ATE1: variants seen among roughly 807,000 people sequenced by gnomAD.
ATE1 encodes the protein arginyltransferase 1, also known as arginyl-tRNA--protein transferase 1.
Under a neutral mutation model 70.5 loss-of-function variants are expected in ATE1, and 36 were observed. The ratio of observed to expected loss-of-function variants is 0.51; its 90% CI spans 0.39 to 0.67. The LOEUF is 0.67. ATE1 is among the 30% of genes least tolerant of loss of function. The pLI is 0.00. For missense variants in ATE1, 593 were observed against 629.5 expected (o/e 0.94, Z 0.62); for synonymous variants, 232 against 219.3 (o/e 1.06, Z -0.51).
At chr10:121,787,112 A>C (rs942743356) in intron 11 of ATE1, among the ~76,000 whole-genome samples, 5 of 152,180 alleles carry the variant, frequency 3.3e-5, no homozygotes, top group Non-Finnish European at 7.3e-5. Context: ...ATAGGGGGAA[A>C]ACGTGATTTT....
chr10:121,852,144 G>A (rs1269555513), intron 8 of ATE1, among the ~76,000 whole-genome samples: 3 of 152,318 alleles, frequency 2.0e-5, no homozygotes, highest in Middle Eastern at 3.4e-3. Flanking sequence ...GATTTACTAC[G>A]AAGTTCAAAG....
chr10:121,767,690 G>C (rs1353259840), intron 11 of ATE1, among the ~76,000 whole-genome samples: 2 of 152,156 alleles, frequency 1.3e-5, no homozygotes, highest in Non-Finnish European at 2.9e-5. Flanking sequence ...TAATCATTTA[G>C]GGAAATGTAC....
At chr10:121,860,612 A>G (rs1339417160) in intron 8 of ATE1, among the ~76,000 whole-genome samples, 5 of 152,270 alleles carry the variant, frequency 3.3e-5, no homozygotes, top group African/African-American at 4.8e-5. Context: ...GAAGTACAGT[A>G]AATGTTTTTA....
At chr10:121,767,504 CA>C (rs11318056) in intron 11 of ATE1, among the ~76,000 whole-genome samples, 152,245 of 152,246 alleles carry the variant, frequency 1, 76,122 homozygotes, top group Middle Eastern at 1. Flanking sequence ...AACAACCCTC[CA>C]AAGAACTACA....
chr10:121,919,329 C>T (rs564029895), intron 3 of ATE1, among the ~76,000 whole-genome samples: 19 of 152,126 alleles, frequency 1.2e-4, no homozygotes, highest in African/African-American at 3.4e-4. Flanking sequence ...GGGGCTGAAG[C>T]GGGCAGATCA....
chr10:121,840,942 C>A, intron 9 of ATE1, 140 bp downstream of exon 9: 1 of 688,296 alleles, frequency 1.5e-6, no homozygotes, highest in Non-Finnish European at 2.1e-6. Flanking sequence ...AGTATGTATT[C>A]TATGTAAGAG....
intron 4 of ATE1, among the ~76,000 whole-genome samples, chr10:121,911,418 T>G (rs2134435142): frequency 7.0e-6 from 1 of 141,876 alleles, no homozygotes; most frequent in Admixed American, 7.5e-5. Context: ...GGCAACATAG[T>G]GAGACACTAT....
intron 3 of ATE1, among the ~76,000 whole-genome samples, chr10:121,916,890 ATGG>A (rs1363870740): frequency 6.6e-6 from 1 of 150,582 alleles, no homozygotes; most frequent in Admixed American, 6.6e-5. Flanking sequence ...CAGGCCACAT[ATGG>A]TGGCTCATGC....
chr10:121,836,145 T>C (rs1948423983), intron 10 of ATE1, among the ~76,000 whole-genome samples: 1 of 152,116 alleles, frequency 6.6e-6, no homozygotes, highest in Non-Finnish European at 1.5e-5. Context: ...CTACCTACTT[T>C]CTTCTTGAGC....
intron 6 of ATE1, among the ~76,000 whole-genome samples, chr10:121,901,551 G>C (rs1379547431): frequency 6.6e-6 from 1 of 152,014 alleles, no homozygotes; most frequent in African/African-American, 2.4e-5. Flanking sequence ...CCACCTCCTG[G>C]GTTCAAGCAA....
intron 10 of ATE1, among the ~76,000 whole-genome samples, chr10:121,799,993 T>C (rs1946811760): frequency 6.6e-6 from 1 of 152,206 alleles, no homozygotes; most frequent in Non-Finnish European, 1.5e-5. Flanking sequence ...AAAGGTCCAC[T>C]CTTTGATTAC....
chr10:121,876,353 T>C (rs1244123716), intron 7 of ATE1, among the ~76,000 whole-genome samples: 1 of 152,220 alleles, frequency 6.6e-6, no homozygotes, highest in Non-Finnish European at 1.5e-5. Flanking sequence ...AAATATCTTT[T>C]TACTATTTTT....
chr10:121,793,170 C>T (rs755171580), intron 10 of ATE1, among the ~76,000 whole-genome samples: 7 of 152,250 alleles, frequency 4.6e-5, no homozygotes, highest in African/African-American at 1.2e-4. Flanking sequence ...AGATGTTCAA[C>T]GTTGTCAGTT....
chr10:121,862,769 G>A (rs1162415333), intron 8 of ATE1, among the ~76,000 whole-genome samples: 4 of 151,976 alleles, frequency 2.6e-5, no homozygotes, highest in African/African-American at 7.3e-5. Context: ...AAAACCAGCA[G>A]GAACCAGCAG....
rs577644907 is a variant in ATE1 at position 121,851,864 on chromosome 10, T to C, written c.976-10601A>G. On this transcript the variant is annotated intron_variant, in intron 8 of 11. Transcript: ENST00000224652. ...TACAGAAGAAAAACCACCTTAAATG[T>C]TGGGGAGGAAAGGAATGACTTCTGT... 5.3e-5 allele frequency among the ~76,000 whole-genome samples: 8 copies of C among 152,314 alleles called. No individual in the cohort carries two copies. The South Asian group carries it at 1.4e-3, about 28-fold the overall frequency.
intron 2 of ATE1, 122 bp downstream of exon 2, chr10:121,924,144 A>T (rs1951987599): frequency 3.6e-6 from 3 of 822,916 alleles, no homozygotes; most frequent in South Asian, 3.3e-5. Flanking sequence ...ATCACTACAT[A>T]AAAGAATATA....
intron 11 of ATE1, among the ~76,000 whole-genome samples, chr10:121,788,341 G>A (rs982062448): frequency 6.6e-6 from 1 of 152,168 alleles, no homozygotes; most frequent in Non-Finnish European, 1.5e-5. Context: ...TAAAACTCTG[G>A]TTATTCTAGG....
intron 11 of ATE1, among the ~76,000 whole-genome samples, chr10:121,748,652 GT>G (rs1034935913): frequency 7.1e-4 from 102 of 142,840 alleles, no homozygotes; most frequent in African/African-American, 1.5e-3. Context: ...TAGTTTTTTT[GT>G]TTTTTTTTTT....
intron 10 of ATE1, among the ~76,000 whole-genome samples, chr10:121,831,170 G>A (rs957059210): frequency 2.6e-5 from 4 of 152,122 alleles, no homozygotes; most frequent in South Asian, 4.1e-4. Context: ...AGCCTATAGT[G>A]AATACTAAAA....
Sources: allele counts gnomAD v4.1 joint callset (sites outside exome capture counted in the v4.1 genomes callset), GRCh38; gene constraint gnomAD v4.1.1; transcripts MANE v1.5; gene names NCBI Gene and HGNC (gene_info 2026-07-23, HGNC 2026-07-21).